Variants in LRP1B observed in about 807,000 individuals in gnomAD.
LRP1B encodes LDL receptor related protein 1B, also known as low-density lipoprotein receptor-related protein 1B.
LRP1B carries 217 observed loss-of-function variants against 556.6 expected under a neutral mutation model. The ratio of observed to expected loss-of-function variants is 0.39; its 90% CI spans 0.35 to 0.44. The LOEUF (loss-of-function observed/expected upper bound fraction) is 0.44, where lower values mean the gene tolerates loss of function less well. Ranked by LOEUF, LRP1B falls within the 20% of genes least tolerant of loss-of-function variation. The pLI, the probability that LRP1B is intolerant of heterozygous loss-of-function variation, is 1.00. For missense variants in LRP1B, 5,053 were observed against 5,620.8 expected (o/e 0.90, Z 3.23); for synonymous variants, 2,047 against 1,865.8 (o/e 1.10, Z -2.50).
chr2:141,916,620 G>A (rs866512835), intron 1 of LRP1B, among the ~76,000 whole-genome samples: 55 of 149,566 alleles, frequency 3.7e-4, no homozygotes, highest in African/African-American at 1.3e-3. Context: ...CTGACCTCGT[G>A]ATCCGCCCTC....
At chr2:140,283,067 T>A (rs1381101245) in intron 84 of LRP1B, among the ~76,000 whole-genome samples, 1 of 151,812 alleles carries the variant, frequency 6.6e-6, no homozygotes, top group Non-Finnish European at 1.5e-5. Flanking sequence ...AATTGTGGAC[T>A]TTCATTACCT....
intron 20 of LRP1B, among the ~76,000 whole-genome samples, chr2:140,938,528 T>A (rs1559206251): frequency 6.6e-6 from 1 of 152,028 alleles, no homozygotes; most frequent in Non-Finnish European, 1.5e-5. Flanking sequence ...AAGGTAGCAG[T>A]TACTGGGGGT....
At chr2:141,512,885 G>A (rs1332002356) in intron 2 of LRP1B, among the ~76,000 whole-genome samples, 1 of 152,062 alleles carries the variant, frequency 6.6e-6, no homozygotes, top group African/African-American at 2.4e-5. Flanking sequence ...CCCATACTGT[G>A]TCTTTCTAAG....
chr2:141,332,771 C>T (rs541084496), intron 3 of LRP1B, among the ~76,000 whole-genome samples: 1 of 147,480 alleles, frequency 6.8e-6, no homozygotes, highest in South Asian at 2.1e-4. Context: ...TGCATGTTCC[C>T]CTTGAAAGTC....
At position 141,942,523 on chromosome 2, in the gene LRP1B, C is replaced by A. The variant is rs188250189; in HGVS notation, c.83-132122G>T. Among the ~76,000 whole-genome samples, 412 of 151,954 alleles carry A rather than the reference C, an allele frequency of 2.7e-3. 1 individual carries two copies. Among genetic ancestry groups the A allele is most frequent in the African/African-American group, 9.2e-3 (380 of 41,448 alleles). Reference sequence around the variant, plus strand: ...ACAAAACAAAAAAAAAAACAAAAAACAAACCAACCAAAACAAAACCATACC... The same window carrying A: ...ACAAAACAAAAAAAAAAACAAAAAAAAAACCAACCAAAACAAAACCATACC... On this transcript the variant is annotated intron_variant, in intron 1 of 90. Coordinates refer to ENST00000389484, the MANE Select transcript of LRP1B (RefSeq NM_018557.3).
At chr2:141,151,364 G>T (rs560587187) in intron 7 of LRP1B, among the ~76,000 whole-genome samples, 1 of 152,040 alleles carries the variant, frequency 6.6e-6, no homozygotes, top group African/African-American at 2.4e-5. Flanking sequence ...AGCCATGCAG[G>T]CATATCTAAT....
intron 7 of LRP1B, among the ~76,000 whole-genome samples, chr2:141,071,115 T>A (rs1246504855): frequency 6.6e-6 from 1 of 151,844 alleles, no homozygotes; most frequent in Non-Finnish European, 1.5e-5. Flanking sequence ...AATAAAATAC[T>A]GGCACACCAA....
chr2:140,874,069 T>G (rs1030680417), intron 25 of LRP1B, among the ~76,000 whole-genome samples: 1 of 152,008 alleles, frequency 6.6e-6, no homozygotes, highest in East Asian at 1.9e-4. Flanking sequence ...AACCAGAAAG[T>G]CCAAGCATGA....
At chr2:141,898,445 T>C (rs1171985818) in intron 1 of LRP1B, among the ~76,000 whole-genome samples, 1 of 152,136 alleles carries the variant, frequency 6.6e-6, no homozygotes, top group Non-Finnish European at 1.5e-5. Flanking sequence ...CAAAAATCAG[T>C]TTTAATCTTG....
chr2:141,365,199 A>C (rs976542322), intron 3 of LRP1B, among the ~76,000 whole-genome samples: 1 of 151,924 alleles, frequency 6.6e-6, no homozygotes, highest in African/African-American at 2.4e-5. Flanking sequence ...TGAAAGAAAA[A>C]AAATTATGAT....
At chr2:140,467,681 A>G (rs74902972) in intron 60 of LRP1B, among the ~76,000 whole-genome samples, 2,296 of 151,748 alleles carry the variant, frequency 0.015, 61 homozygotes, top group African/African-American at 0.051. Flanking sequence ...TGTCATGAGA[A>G]TTCTACCCTC....
intron 67 of LRP1B, among the ~76,000 whole-genome samples, chr2:140,382,266 G>A (rs1440962005): frequency 6.6e-6 from 1 of 151,940 alleles, no homozygotes; most frequent in Admixed American, 6.6e-5. Flanking sequence ...GGCAGAAGCA[G>A]CTTGTCTCTC....
chr2:141,390,207 C>T (rs957186774), intron 3 of LRP1B, among the ~76,000 whole-genome samples: 1 of 151,860 alleles, frequency 6.6e-6, no homozygotes, highest in East Asian at 1.9e-4. Flanking sequence ...CAACATCATT[C>T]ATCATAAGAA....
intron 21 of LRP1B, among the ~76,000 whole-genome samples, chr2:140,918,450 T>G (rs1393865942): frequency 6.6e-6 from 1 of 151,932 alleles, no homozygotes; most frequent in East Asian, 1.9e-4. Flanking sequence ...TTCCTAGAGG[T>G]GGAATTGTGG....
At chr2:141,167,196 T>C (rs1680305236) in intron 7 of LRP1B, 1 of 151,950 alleles carries the variant, frequency 6.6e-6, no homozygotes, top group Non-Finnish European at 1.5e-5. Context: ...CACTCTTTAC[T>C]ACACTTGTTT....
At chr2:141,719,096 T>A (rs777477080) in intron 2 of LRP1B, among the ~76,000 whole-genome samples, 4 of 152,096 alleles carry the variant, frequency 2.6e-5, no homozygotes, top group African/African-American at 4.8e-5. Flanking sequence ...AGCAGTCTTG[T>A]CAGTGAGAAA....
intron 1 of LRP1B, among the ~76,000 whole-genome samples, chr2:141,875,973 C>T (rs1698745232): frequency 1.3e-5 from 2 of 151,862 alleles, no homozygotes; most frequent in Non-Finnish European, 2.9e-5. Context: ...AAGAATTTTA[C>T]TTAAGATTTG....
At chr2:140,865,700 T>C (rs1477550754) in intron 27 of LRP1B, among the ~76,000 whole-genome samples, 1 of 152,090 alleles carries the variant, frequency 6.6e-6, no homozygotes, top group African/African-American at 2.4e-5. Flanking sequence ...TGATATTCTC[T>C]AAATGTATTT....
Position 140,701,704 on chromosome 2 carries a change from CT to C in LRP1B, c.6427+16del. 1 of 1,603,388 alleles carries C rather than the reference CT, an allele frequency of 6.2e-7. No individual in the cohort carries two copies. The highest frequency in any genetic ancestry group is 8.5e-7 in the Non-Finnish European group (1 of 1,175,686). ...ACATAAAATATACATATTATGTATT[CT>C]TTCAAGAGTGCTGACCTTTCTCTCT... On this transcript the variant is annotated intron_variant, in intron 40 of 90. Transcript: ENST00000389484.
Sources: gnomAD v4.1 joint callset for allele counts (sites outside exome capture counted in the v4.1 genomes callset) on GRCh38, gnomAD v4.1.1 for gene constraint, MANE v1.5 for transcripts, NCBI Gene and HGNC (gene_info 2026-07-23, HGNC 2026-07-21) for gene names.